The following EXOC4 variants were observed in gnomAD, a reference collection of about 807,000 sequenced individuals.
The protein encoded by EXOC4 is exocyst complex component 4, also known as SEC8-like 1.
EXOC4 carries 71 observed loss-of-function variants against 107.2 expected under a neutral mutation model. That is an observed-to-expected ratio of 0.66 (90% CI 0.55 to 0.81). The LOEUF is 0.81. EXOC4 is among the 30% of genes least tolerant of loss of function. The pLI is 0.00. For synonymous variants in EXOC4, 456 were observed against 441.2 expected (o/e 1.03, Z -0.42); for missense variants, 1,108 against 1,189.6 (o/e 0.93, Z 1.01).
intron 14 of EXOC4, among the ~76,000 whole-genome samples, chr7:133,971,055 G>T (rs982210125): frequency 6.6e-6 from 1 of 152,000 alleles, no homozygotes; most frequent in Admixed American, 6.6e-5. Flanking sequence ...GTGCCTTCAT[G>T]AGATATAGAG....
chr7:133,342,582 G>C (rs765926420), intron 5 of EXOC4, among the ~76,000 whole-genome samples: 5 of 152,122 alleles, frequency 3.3e-5, no homozygotes, highest in Non-Finnish European at 7.4e-5. Context: ...AGCAAGGCCA[G>C]GGAAATTTTC....
chr7:134,022,118 A>G (rs2116429131), intron 17 of EXOC4, among the ~76,000 whole-genome samples: 1 of 152,150 alleles, frequency 6.6e-6, no homozygotes, highest in South Asian at 2.1e-4. Context: ...ACATAAAGTA[A>G]TTACTTGCTG....
intron 7 of EXOC4, among the ~76,000 whole-genome samples, chr7:133,416,176 G>C (rs1298184920): frequency 6.6e-6 from 1 of 152,120 alleles, no homozygotes; most frequent in South Asian, 2.1e-4. Flanking sequence ...AAAAGACTGT[G>C]GTGTAAAACA....
At chr7:133,393,553 G>A (rs1796901797) in intron 7 of EXOC4, among the ~76,000 whole-genome samples, 1 of 152,164 alleles carries the variant, frequency 6.6e-6, no homozygotes. Context: ...CAATGTGATG[G>A]TATTTGGAGA....
intron 14 of EXOC4, among the ~76,000 whole-genome samples, chr7:133,955,632 A>C (rs1365951096): frequency 2.0e-5 from 3 of 152,008 alleles, no homozygotes; most frequent in Non-Finnish European, 2.9e-5. Context: ...TTCACCGGGG[A>C]CCTGGCCCTG....
At chr7:134,039,464 T>TTG (rs1795464606) in intron 17 of EXOC4, among the ~76,000 whole-genome samples, 1 of 152,216 alleles carries the variant, frequency 6.6e-6, no homozygotes, top group Non-Finnish European at 1.5e-5. Context: ...CTGTATTTAC[T>TTG]TTCTTGTTCT....
intron 10 of EXOC4, among the ~76,000 whole-genome samples, chr7:133,650,783 C>T (rs761538643): frequency 1.7e-4 from 26 of 152,066 alleles, no homozygotes; most frequent in Non-Finnish European, 2.8e-4. Flanking sequence ...TGTTTGGATA[C>T]TAACTGTACA....
chr7:134,005,261 C>T (rs1262928505), intron 16 of EXOC4, among the ~76,000 whole-genome samples, 171 bp downstream of exon 16: 11 of 152,158 alleles, frequency 7.2e-5, no homozygotes, highest in Non-Finnish European at 1.3e-4. Flanking sequence ...AGGTAGACAA[C>T]AATATGGCCG....
intron 3 of EXOC4, among the ~76,000 whole-genome samples, chr7:133,290,615 G>A (rs1794382501): frequency 6.6e-6 from 1 of 152,152 alleles, no homozygotes. Context: ...TAGGTTGTTA[G>A]AATTTATTTC....
chr7:133,744,256 T>A (rs1437426794), intron 10 of EXOC4, among the ~76,000 whole-genome samples: 1 of 152,050 alleles, frequency 6.6e-6, no homozygotes, highest in East Asian at 1.9e-4. Flanking sequence ...ATAGAAGACA[T>A]CTTAGGTACA....
chr7:133,405,339 TAATA>T (rs1361639210), intron 7 of EXOC4, among the ~76,000 whole-genome samples: 1 of 152,120 alleles, frequency 6.6e-6, no homozygotes, highest in African/African-American at 2.4e-5. Flanking sequence ...ATAAAACCAA[TAATA>T]AATATTTGAG....
intron 9 of EXOC4, among the ~76,000 whole-genome samples, chr7:133,488,924 TGTA>T (rs1799319788): frequency 1.3e-5 from 2 of 149,654 alleles, no homozygotes; most frequent in Admixed American, 1.3e-4. Context: ...ACATTTATAA[TGTA>T]ATATATATAA....
intron 3 of EXOC4, among the ~76,000 whole-genome samples, chr7:133,296,510 T>A (rs1584787961): frequency 6.6e-6 from 1 of 152,232 alleles, no homozygotes; most frequent in African/African-American, 2.4e-5. Flanking sequence ...TTTTTTTATA[T>A]CTACAATTAA....
intron 7 of EXOC4, among the ~76,000 whole-genome samples, chr7:133,398,629 T>G (rs564517524): frequency 9.2e-5 from 14 of 152,326 alleles, no homozygotes; most frequent in African/African-American, 3.1e-4. Context: ...AATCCTTTCT[T>G]TTTTTAAGCC....
At chr7:133,582,313 G>C (rs1186287421) in intron 9 of EXOC4, among the ~76,000 whole-genome samples, 1 of 152,182 alleles carries the variant, frequency 6.6e-6, no homozygotes, top group African/African-American at 2.4e-5. Context: ...ACATGATCTT[G>C]TTCTTTCTTA....
intron 9 of EXOC4, among the ~76,000 whole-genome samples, chr7:133,604,782 G>C (rs1270773771): frequency 7.7e-6 from 1 of 129,426 alleles, no homozygotes; most frequent in Non-Finnish European, 1.6e-5. Flanking sequence ...GGAGTGCAGT[G>C]GTGCAATCTT....
chr7:133,654,793 C>A (rs2483507), intron 10 of EXOC4, among the ~76,000 whole-genome samples: 1 of 151,952 alleles, frequency 6.6e-6, no homozygotes, highest in Non-Finnish European at 1.5e-5. Context: ...TACTACACGC[C>A]TAGGCTGTAT....
At chr7:133,414,154 G>C (rs189284435) in intron 7 of EXOC4, among the ~76,000 whole-genome samples, 1 of 152,252 alleles carries the variant, frequency 6.6e-6, no homozygotes, top group African/African-American at 2.4e-5. Context: ...CAACTCAATG[G>C]AAAATGGATA....
At chr7:134,040,452 A>G (rs1795488788) in intron 17 of EXOC4, among the ~76,000 whole-genome samples, 1 of 152,130 alleles carries the variant, frequency 6.6e-6, no homozygotes, top group Non-Finnish European at 1.5e-5. Context: ...CCTTCAAAAC[A>G]CATCGCACTC....
Sources: gnomAD v4.1 joint callset for allele counts (sites outside exome capture counted in the v4.1 genomes callset) on GRCh38, gnomAD v4.1.1 for gene constraint, MANE v1.5 for transcripts, NCBI Gene and HGNC (gene_info 2026-07-23, HGNC 2026-07-21) for gene names.